Variants in IGFL2 observed in about 807,000 individuals in gnomAD.
IGFL2 encodes the protein IGF like family member 2, also known as insulin growth factor-like family member 2.
A neutral mutation model predicts 13.9 loss-of-function variants in IGFL2; 7 were observed. That is an observed-to-expected ratio of 0.51 (90% CI 0.29 to 0.95). The LOEUF is 0.95. Ranked by LOEUF, IGFL2 falls within the 40% of genes least tolerant of loss-of-function variation. IGFL2 has a pLI of 0.08. For synonymous variants in IGFL2, 55 were observed against 55.8 expected, an observed-to-expected ratio of 0.99 and a Z score of 0.07; for missense variants, 138 against 147.8, an observed-to-expected ratio of 0.93 and a Z score of 0.34.
At chr19:46,161,320 T>C, downstream of IGFL2, 1 of 204,526 alleles carries the variant, frequency 4.9e-6, no homozygotes, top group African/African-American at 2.5e-5. Flanking sequence ...TCTCCTTTCT[T>C]TTTTTTTTTT....
At chr19:46,187,773 G>A in the IGFL2 span, among the ~76,000 whole-genome samples, 1 of 145,718 alleles carries the variant, frequency 6.9e-6, no homozygotes, top group Admixed American at 6.9e-5. Flanking sequence ...CCTGATCAGA[G>A]ATGGTGAGCA....
chr19:46,187,297 A>T, the IGFL2 span, among the ~76,000 whole-genome samples: 1,844 of 145,940 alleles, frequency 0.013, 65 homozygotes, highest in African/African-American at 0.045. Context: ...ACCCATTTAT[A>T]CCTGAGGTTG....
the IGFL2 span, among the ~76,000 whole-genome samples, chr19:46,176,723 G>T: frequency 1.3e-5 from 2 of 152,186 alleles, no homozygotes; most frequent in Non-Finnish European, 2.9e-5. Context: ...TCACCCCTGG[G>T]AGGGTCCCTG....
intron 3 of IGFL2, 57 bp from the exon 4 acceptor site, chr19:46,161,013 T>A: frequency 6.4e-7 from 1 of 1,560,788 alleles, no homozygotes; most frequent in Non-Finnish European, 8.7e-7. Flanking sequence ...TTCTCAAATA[T>A]TTTCAGTTAT....
chr19:46,155,636 TA>T (rs1313447078), intron 1 of IGFL2, among the ~76,000 whole-genome samples: 2 of 152,230 alleles, frequency 1.3e-5, no homozygotes, highest in Admixed American at 6.5e-5. Context: ...TAGTTTGAAA[TA>T]TTTTGCATTT....
the IGFL2 span, among the ~76,000 whole-genome samples, chr19:46,117,887 A>G: frequency 6.6e-6 from 1 of 152,142 alleles, no homozygotes; most frequent in Admixed American, 6.5e-5. Flanking sequence ...TCTTGACACT[A>G]CAGAGCCTGC....
At chr19:46,084,237 G>T in the IGFL2 span, among the ~76,000 whole-genome samples, 2 of 152,198 alleles carry the variant, frequency 1.3e-5, no homozygotes, top group Non-Finnish European at 2.9e-5. Flanking sequence ...GAATGCTCAT[G>T]TGCAGTTGAG....
chr19:46,181,335 C>G, the IGFL2 span: 1 of 152,182 alleles, frequency 6.6e-6, no homozygotes, highest in African/African-American at 2.4e-5. Context: ...AAGCCACATT[C>G]ATAAGGTGAG....
the IGFL2 span, among the ~76,000 whole-genome samples, chr19:46,204,645 C>T: frequency 2.8e-4 from 43 of 152,270 alleles, no homozygotes; most frequent in African/African-American, 8.7e-4. Flanking sequence ...AATGCACAGG[C>T]GGCTGCTTCG....
chr19:46,100,983 C>G, the IGFL2 span: 3 of 152,360 alleles, frequency 2.0e-5, no homozygotes, highest in African/African-American at 7.2e-5. Context: ...TTCTGTAGGA[C>G]TGCTGCAGTT....
upstream of IGFL2, among the ~76,000 whole-genome samples, chr19:46,147,359 G>T (rs1471402704): frequency 6.6e-6 from 1 of 151,580 alleles, no homozygotes; most frequent in African/African-American, 2.4e-5. Context: ...GCTTGTCGGG[G>T]TCCCCTTAGT....
chr19:46,154,416 A>G (rs966302082), intron 1 of IGFL2, among the ~76,000 whole-genome samples: 1 of 151,748 alleles, frequency 6.6e-6, no homozygotes, highest in African/African-American at 2.4e-5. Context: ...TTTCTCTGTT[A>G]AGCTTCTGCC....
At chr19:46,106,078 C>T in the IGFL2 span, among the ~76,000 whole-genome samples, 4 of 152,144 alleles carry the variant, frequency 2.6e-5, no homozygotes. Flanking sequence ...AGTACCTTAA[C>T]CATGCCTAGG....
chr19:46,116,338 T>G, the IGFL2 span, among the ~76,000 whole-genome samples: 1 of 152,196 alleles, frequency 6.6e-6, no homozygotes, highest in African/African-American at 2.4e-5. Flanking sequence ...TATCTACTTG[T>G]GGTTTTCTGT....
chr19:46,113,619 T>G, the IGFL2 span: 1 of 267,086 alleles, frequency 3.7e-6, no homozygotes, highest in Non-Finnish European at 7.9e-6. Flanking sequence ...CTGATGTCTA[T>G]AGAGAGCTTT....
chr19:46,086,802 G>T, the IGFL2 span, among the ~76,000 whole-genome samples: 1 of 152,116 alleles, frequency 6.6e-6, no homozygotes, highest in Admixed American at 6.6e-5. Context: ...TCCTGAAGTT[G>T]TATCTATGAT....
At chr19:46,173,332 T>C in the IGFL2 span, among the ~76,000 whole-genome samples, 1 of 152,212 alleles carries the variant, frequency 6.6e-6, no homozygotes, top group African/African-American at 2.4e-5. Context: ...AGCACTATCG[T>C]ATCCTCATGT....
chr19:46,121,001 C>T, the IGFL2 span, among the ~76,000 whole-genome samples: 1 of 150,318 alleles, frequency 6.7e-6, no homozygotes, highest in African/African-American at 2.5e-5. Flanking sequence ...AATTCATATC[C>T]AACTTGTAGC....
chr19:46,152,255 A>G (rs1022432834), intron 1 of IGFL2, among the ~76,000 whole-genome samples: 1 of 143,386 alleles, frequency 7.0e-6, no homozygotes, highest in Non-Finnish European at 1.5e-5. Context: ...AGGTCATAGT[A>G]GCTTCCTTAG....
Sources: allele counts gnomAD v4.1 joint callset (sites outside exome capture counted in the v4.1 genomes callset), GRCh38; gene constraint gnomAD v4.1.1; transcripts MANE v1.5; gene names NCBI Gene and HGNC (gene_info 2026-07-23, HGNC 2026-07-21).